Variants in ATP12A observed in about 807,000 individuals in gnomAD.
ATP12A encodes the protein ATPase H+/K+ transporting non-gastric alpha2 subunit, also known as potassium-transporting ATPase alpha chain 2.
In ATP12A, 81 loss-of-function variants were observed where a neutral mutation model predicts 111.2. The observed-to-expected ratio is 0.73, with a 90% CI of 0.61 to 0.88. The LOEUF (loss-of-function observed/expected upper bound fraction) is 0.88. ATP12A is among the 40% of genes least tolerant of loss of function. The pLI is 0.00. For missense variants in ATP12A, 1,196 were observed against 1,313.1 expected, an observed-to-expected ratio of 0.91 and a Z score of 1.38; for synonymous variants, 498 against 499.8, an observed-to-expected ratio of 1.00 and a Z score of 0.05.
Position 24,709,468 on chromosome 13 carries a change from G to A in ATP12A, c.2598G>A (p.Val866=). The A allele has an allele frequency of 6.2e-7, 1 of 1,614,072 alleles. No individual in the cohort carries two copies. The highest frequency in any genetic ancestry group is 1.3e-5 in the African/African-American group (1 of 75,020). Reference sequence around the variant, plus strand: ...GGCTGGTGAACCAGCCGCTCGCTGTGTACTCATACCTGCACATTGGTACGA... The same window carrying A: ...GGCTGGTGAACCAGCCGCTCGCTGTATACTCATACCTGCACATTGGTACGA... ...KDRLVNQPLA[V]YSYLHIGLMQ... The change falls in exon 18 of 23, where the codon GTG becomes GTA. Residue 866 remains valine (V), a synonymous_variant. Coordinates refer to ENST00000381946, the MANE Select transcript of ATP12A (RefSeq NM_001676.7).
chr13:24,700,920 A>G lies in ATP12A; in HGVS notation c.1879A>G (p.Lys627Glu), dbSNP rs752441122. Residue 627 changes from lysine (K) to glutamate (E), a missense_variant and splice_region_variant, in exon 13 of 23, where the codon AAG (lysine) becomes GAG (glutamate). This residue lies in a region of ATP12A where 1,126 missense variants were observed against 1,228.5 expected (regional missense o/e 0.92). Transcript: ENST00000381946. ...AVTKCRSAGIKVIMVTGDHPI... is the reference protein window; with the variant it reads ...AVTKCRSAGIEVIMVTGDHPI... ...CACCAAATGCCGGAGTGCAGGGATC[A>G]AGGTGGGAGTTATTTTCCTGACTCA... 16 of 1,612,674 alleles carry G rather than the reference A, an allele frequency of 9.9e-6. No homozygotes were observed. The South Asian group carries it at 1.8e-4, about 18-fold the overall frequency.
chr13:24,690,687 G>T lies in ATP12A; in HGVS notation c.765G>T (p.Lys255Asn), dbSNP rs760144732. The T allele has an allele frequency of 6.2e-7, 1 of 1,613,964 alleles. No homozygotes were observed. The highest frequency in any genetic ancestry group is 8.5e-7 in the Non-Finnish European group (1 of 1,179,974). Residue 255 changes from lysine to asparagine, a missense_variant, in exon 7 of 23, where the codon AAG (lysine) becomes AAT (asparagine). Around this residue, in one of 3 missense-constraint regions of ATP12A, gnomAD observed 1,126 missense variants for 1,228.5 expected, o/e 0.92. Coordinates refer to ENST00000381946, the MANE Select transcript of ATP12A (RefSeq NM_001676.7). ...EFTHENPLETKNICFYSTTCL... is the reference protein window; with the variant it reads ...EFTHENPLETNNICFYSTTCL... ...CCCATGAAAACCCCCTGGAAACAAA[G>T]AACATCTGCTTCTATTCCACAACGT...
intron 13 of ATP12A, 101 bp downstream of exon 13, chr13:24,701,023 G>C (rs1056984391): frequency 7.9e-7 from 1 of 1,266,100 alleles, no homozygotes; most frequent in South Asian, 1.5e-5. Context: ...GTGTCTTCAA[G>C]TAAATATCAT....
intron 13 of ATP12A, among the ~76,000 whole-genome samples, chr13:24,701,327 C>T (rs917475030): frequency 1.3e-5 from 2 of 151,792 alleles, no homozygotes; most frequent in African/African-American, 2.4e-5. Context: ...GGTGAAACCC[C>T]GTTTCTACTA....
chr13:24,705,533 T>A (rs549286306), intron 14 of ATP12A, among the ~76,000 whole-genome samples: 1 of 152,354 alleles, frequency 6.6e-6, no homozygotes, highest in African/African-American at 2.4e-5. Context: ...TCAGTAAACT[T>A]CTGCCTACGT....
At chr13:24,694,899 T>C (rs1025912391) in intron 11 of ATP12A, among the ~76,000 whole-genome samples, 5 of 151,896 alleles carry the variant, frequency 3.3e-5, no homozygotes, top group African/African-American at 9.7e-5. Flanking sequence ...ACACCACCAC[T>C]ATCAGGTACC....
chr13:24,698,674 T>A lies in ATP12A; in HGVS notation c.1529T>A (p.Met510Lys), dbSNP rs1875268723. ...TNKFQLSIHE[M>K]DDPHGKRFLM... ...CCTTCCCAGCTCTCCATCCACGAGA[T>A]GGATGACCCCCACGGCAAGCGCTTC... The change falls in exon 12 of 23, where the codon ATG becomes AAG. Residue 510 changes from methionine (M) to lysine (K), a missense_variant. Physicochemically the swap from Met to Lys is moderately conservative, Grantham distance 95. Transcript: ENST00000381946. 1 of 1,613,464 alleles carries A rather than the reference T, an allele frequency of 6.2e-7. No individual in the cohort carries two copies. The highest frequency in any genetic ancestry group is 1.3e-5 in the African/African-American group (1 of 74,912).
intron 13 of ATP12A, 46 bp from the exon 14 acceptor site, chr13:24,701,889 C>A: frequency 6.2e-7 from 1 of 1,613,036 alleles, no homozygotes; most frequent in Non-Finnish European, 8.5e-7. Flanking sequence ...CTTTGGCCAA[C>A]CGAGTTCTTC....
At chr13:24,693,280 G>T (rs993672581) in intron 10 of ATP12A, among the ~76,000 whole-genome samples, 2 of 152,116 alleles carry the variant, frequency 1.3e-5, no homozygotes, top group African/African-American at 2.4e-5. Flanking sequence ...GAATATGGCT[G>T]CAGACAAAGC....
intron 3 of ATP12A, 112 bp from the exon 4 acceptor site, chr13:24,688,207 C>G: frequency 4.0e-6 from 5 of 1,250,354 alleles, no homozygotes; most frequent in Non-Finnish European, 5.5e-6. Context: ...TCTTTGGCCA[C>G]GTTAATGCCT....
At chr13:24,681,309 G>A (rs1478683780) in intron 1 of ATP12A, among the ~76,000 whole-genome samples, 3 of 152,120 alleles carry the variant, frequency 2.0e-5, no homozygotes, top group Non-Finnish European at 2.9e-5. Flanking sequence ...ACCCAGAGAA[G>A]GGTCACCCTG....
rs1305118588 is a variant in ATP12A, at chr13:24,690,645, C to A, written c.723C>A (p.Pro241=). ...SSLTGESEPQ[P]RSSEFTHENP... ...TCACGGGGGAGTCTGAGCCCCAGCC[C>A]CGCTCCTCTGAGTTTACCCATGAAA... Residue 241 remains proline, a synonymous_variant, in exon 7 of 23, where the codon CCC becomes CCA. Coordinates refer to ENST00000381946, the MANE Select transcript of ATP12A (RefSeq NM_001676.7). The A allele has an allele frequency of 6.2e-7, 1 of 1,613,730 alleles. No individual in the cohort carries two copies. The highest frequency in any genetic ancestry group is 1.3e-5 in the African/African-American group (1 of 74,858).
Position 24,691,121 on chromosome 13 carries a change from G to A in ATP12A, c.939G>A (p.Val313=). 6.2e-7 allele frequency: 1 copy of A among 1,614,186 alleles called. No individual in the cohort carries two copies. The change falls in exon 8 of 23, where the codon GTG becomes GTA. Residue 313 remains valine, a synonymous_variant. Transcript: ENST00000381946. ...ACTTTGTTCACATTGTGGCAGGAGT[G>A]GCTGTCTCCATCGGCATCCTTTTCT... ...IEHFVHIVAG[V]AVSIGILFFI...
chr13:24,689,518 C>T (rs538230144), intron 5 of ATP12A, 143 bp downstream of exon 5: 1 of 689,162 alleles, frequency 1.5e-6, no homozygotes, highest in East Asian at 2.7e-5. Context: ...ACCCATCTGT[C>T]AGAACCCCAG....
At position 24,692,492 on chromosome 13, in the gene ATP12A, G is replaced by C. The variant is rs1418273292; in HGVS notation, c.1132G>C (p.Ala378Pro). The change falls in exon 9 of 23, where the codon GCT (alanine) becomes CCT (proline). Residue 378 changes from alanine to proline, a missense_variant. Transcript: ENST00000381946. ...KKNCLVKNLE[A>P]VETLGSTSII... Reference sequence around the variant, plus strand: ...GAACTGCCTGGTGAAGAACCTGGAGGCTGTGGAGACCCTCGGCTCCACCTC... The same window carrying C: ...GAACTGCCTGGTGAAGAACCTGGAGCCTGTGGAGACCCTCGGCTCCACCTC... 6.2e-7 allele frequency: 1 copy of C among 1,614,088 alleles called. No individual in the cohort carries two copies. Among genetic ancestry groups the C allele is most frequent in the Non-Finnish European group, 8.5e-7 (1 of 1,180,044 alleles).
intron 2 of ATP12A, among the ~76,000 whole-genome samples, chr13:24,682,552 C>G (rs375117502): frequency 9.9e-5 from 15 of 152,274 alleles, no homozygotes; most frequent in African/African-American, 1.7e-4. Context: ...CCAGACCTCT[C>G]TCCCCGCAGC....
At chr13:24,710,663 T>G in intron 20 of ATP12A, 70 bp downstream of exon 20, 1 of 1,609,946 alleles carries the variant, frequency 6.2e-7, no homozygotes, top group Non-Finnish European at 8.5e-7. Context: ...GATTTGTTTT[T>G]CACAAGACAG....
intron 21 of ATP12A, among the ~76,000 whole-genome samples, chr13:24,711,108 A>G (rs1200381725): frequency 1.3e-5 from 2 of 152,228 alleles, no homozygotes; most frequent in Non-Finnish European, 2.9e-5. Flanking sequence ...ATCCTCATCC[A>G]ACAGGTTGCT....
chr13:24,699,708 G>C (rs1875311891), intron 12 of ATP12A, among the ~76,000 whole-genome samples: 1 of 152,212 alleles, frequency 6.6e-6, no homozygotes, highest in African/African-American at 2.4e-5. Flanking sequence ...ACCCAATGGG[G>C]GTGCCTGCGG....
Sources: allele counts gnomAD v4.1 joint callset (sites outside exome capture counted in the v4.1 genomes callset), GRCh38; gene constraint gnomAD v4.1.1; regional missense constraint gnomAD v4.1.1; transcripts MANE v1.5; gene names NCBI Gene and HGNC (gene_info 2026-07-23, HGNC 2026-07-21).